Variants in CLDN16 observed in about 807,000 individuals in gnomAD.
The protein encoded by CLDN16 is claudin 16.
Under a neutral mutation model 24.6 loss-of-function variants are expected in CLDN16, and 13 were observed. The observed-to-expected ratio is 0.53, with a 90% confidence interval of 0.34 to 0.84. The LOEUF (loss-of-function observed/expected upper bound fraction) is 0.84. CLDN16 is among the 40% of genes least tolerant of loss of function. The pLI, the probability that CLDN16 is intolerant of heterozygous loss-of-function variation, is 0.01. For synonymous variants in CLDN16, 116 were observed against 106.7 expected, an observed-to-expected ratio of 1.09 and a Z score of -0.54; for missense variants, 298 against 292.7, an observed-to-expected ratio of 1.02 and a Z score of -0.13.
chr3:190,298,841 A>G, the CLDN16 span, among the ~76,000 whole-genome samples: 3 of 152,180 alleles, frequency 2.0e-5, no homozygotes, highest in Admixed American at 1.3e-4. Context: ...GTGTAAACAC[A>G]CCACAAATTA....
intron 3 of CLDN16, among the ~76,000 whole-genome samples, chr3:190,376,932 T>A (rs1293837539): frequency 6.6e-6 from 1 of 151,978 alleles, no homozygotes; most frequent in Non-Finnish European, 1.5e-5. Context: ...CAGGTGACTC[T>A]GGTGATCAAA....
chr3:190,294,496 C>G, the CLDN16 span, among the ~76,000 whole-genome samples: 2 of 151,906 alleles, frequency 1.3e-5, no homozygotes, highest in Non-Finnish European at 2.9e-5. Context: ...GGATTGTGCA[C>G]GCTTTTACTT....
At chr3:190,388,595 C>T in intron 1 of CLDN16, 152 bp downstream of exon 1, 5 of 739,494 alleles carry the variant, frequency 6.8e-6, no homozygotes, top group South Asian at 5.8e-5. Context: ...ACATTATTAG[C>T]TCATTTAATC....
chr3:190,365,195 T>A (rs1717993942), intron 1 of CLDN16, among the ~76,000 whole-genome samples: 1 of 151,870 alleles, frequency 6.6e-6, no homozygotes, highest in Admixed American at 6.6e-5. Context: ...TATATGTCCT[T>A]GCATCAGGTG....
chr3:190,393,760 T>TC (rs1363025140), intron 1 of CLDN16, among the ~76,000 whole-genome samples: 1 of 149,822 alleles, frequency 6.7e-6, no homozygotes, highest in Non-Finnish European at 1.5e-5. Context: ...TTTTTTTTTT[T>TC]TTTTTTTTAA....
intron 1 of CLDN16, among the ~76,000 whole-genome samples, chr3:190,399,599 G>A (rs1488967809): frequency 6.6e-6 from 1 of 152,128 alleles, no homozygotes; most frequent in Non-Finnish European, 1.5e-5. Context: ...GTGATGTTTT[G>A]ATACATATAA....
chr3:190,342,338 C>A (rs1412681370), intron 1 of CLDN16, among the ~76,000 whole-genome samples: 1 of 152,160 alleles, frequency 6.6e-6, no homozygotes, highest in Non-Finnish European at 1.5e-5. Context: ...AGGTGAAAGG[C>A]ACATCTCACA....
chr3:190,340,551 A>G (rs1019643635), intron 1 of CLDN16, among the ~76,000 whole-genome samples: 3 of 152,164 alleles, frequency 2.0e-5, no homozygotes, highest in African/African-American at 7.2e-5. Context: ...TACCAGGTCC[A>G]TCCCACAACA....
At chr3:190,330,632 T>C (rs919372962) in intron 1 of CLDN16, among the ~76,000 whole-genome samples, 2 of 152,166 alleles carry the variant, frequency 1.3e-5, no homozygotes, top group Non-Finnish European at 2.9e-5. Context: ...TCAAGAAATG[T>C]TATCTCTTGT....
At chr3:190,320,034 G>A (rs548463489), upstream of CLDN16, among the ~76,000 whole-genome samples, 10 of 152,164 alleles carry the variant, frequency 6.6e-5, no homozygotes, top group South Asian at 1.9e-3. Context: ...TTCTGATCTG[G>A]AGTTTTAAAA....
chr3:190,371,397 C>T (rs556041168), intron 2 of CLDN16, among the ~76,000 whole-genome samples: 3 of 151,894 alleles, frequency 2.0e-5, no homozygotes, highest in South Asian at 2.1e-4. Flanking sequence ...TGCTGTCTCA[C>T]GCTTCCAAAC....
chr3:190,290,886 C>T, the CLDN16 span, among the ~76,000 whole-genome samples: 4 of 152,034 alleles, frequency 2.6e-5, no homozygotes, highest in Admixed American at 2.6e-4. Flanking sequence ...CAAAAAAATT[C>T]TACATATCTG....
At chr3:190,346,906 C>T (rs1717562916) in intron 1 of CLDN16, among the ~76,000 whole-genome samples, 2 of 152,112 alleles carry the variant, frequency 1.3e-5, no homozygotes, top group Admixed American at 1.3e-4. Context: ...TATGGCTCAC[C>T]CTAATCCAGT....
intron 3 of CLDN16, among the ~76,000 whole-genome samples, chr3:190,406,992 G>A (rs1268312281): frequency 2.6e-5 from 4 of 151,898 alleles, no homozygotes; most frequent in Admixed American, 6.6e-5. Context: ...CGCCCGCCTC[G>A]GCCCCCCAAA....
chr3:190,342,318 T>C (rs1577402206), intron 1 of CLDN16, among the ~76,000 whole-genome samples: 1 of 152,244 alleles, frequency 6.6e-6, no homozygotes, highest in East Asian at 1.9e-4. Flanking sequence ...TGCATCACAA[T>C]TATGGCAGAA....
Position 190,371,016 on chromosome 3 carries a change from T to TTATATATATATATATATATATA in CLDN16, n.230+18_230+39dup, listed in dbSNP as rs141854157. ...CTTGTGATCATGTGAGTTAATACCT[T>TTATATATATATATATATATATA]TATATATATATATATATATATATAA... On this transcript the variant is annotated intron_variant and non_coding_transcript_variant, in intron 2 of 4. Coordinates refer to the CLDN16 transcript ENST00000468220. 9.6e-3 allele frequency: 132 copies of TTATATATATATATATATATATA among 13,706 alleles called. 1 individual carries two copies. Among genetic ancestry groups the TTATATATATATATATATATATA allele is most frequent in the South Asian group, 0.021 (8 of 382 alleles). The allele number at this position is 13,706 out of a possible 1,614,324, so 0.8% of individuals were successfully genotyped here. A position where few individuals can be genotyped will look rare whatever the true frequency, so the allele number is the denominator to read the frequency against.
intron 1 of CLDN16, among the ~76,000 whole-genome samples, chr3:190,360,095 T>C (rs1011840631): frequency 6.6e-5 from 10 of 151,924 alleles, no homozygotes; most frequent in Non-Finnish European, 1.2e-4. Context: ...AAACTGACTT[T>C]GTTATTTAGA....
At chr3:190,298,454 C>CTTT in the CLDN16 span, among the ~76,000 whole-genome samples, 56 of 139,756 alleles carry the variant, frequency 4.0e-4, no homozygotes, top group Middle Eastern at 0.011. Flanking sequence ...CTGGGAGTTG[C>CTTT]TTTTTTTTTT....
At chr3:190,344,332 A>G (rs79039146) in intron 1 of CLDN16, among the ~76,000 whole-genome samples, 4,494 of 152,090 alleles carry the variant, frequency 0.03, 109 homozygotes, top group East Asian at 0.081. Context: ...AGCTTTAATT[A>G]TCTTAATCAT....
Sources: allele counts gnomAD v4.1 joint callset (sites outside exome capture counted in the v4.1 genomes callset), GRCh38; gene constraint gnomAD v4.1.1; transcripts MANE v1.5; gene names NCBI Gene and HGNC (gene_info 2026-07-23, HGNC 2026-07-21).